CFAP299: variants seen among roughly 807,000 people sequenced by gnomAD.
The protein encoded by CFAP299 is cilia and flagella associated protein 299, also known as cilia- and flagella-associated protein 299.
Under a neutral mutation model 27.0 loss-of-function variants are expected in CFAP299, and 21 were observed. The ratio of observed to expected loss-of-function variants is 0.78; its 90% CI spans 0.55 to 1.12. The LOEUF (loss-of-function observed/expected upper bound fraction) is 1.12. CFAP299 is among the 50% of genes most tolerant of loss of function. CFAP299 has a pLI of 0.00. For missense variants in CFAP299, 310 were observed against 276.6 expected, an observed-to-expected ratio of 1.12 and a Z score of -0.86; for synonymous variants, 104 against 98.1, an observed-to-expected ratio of 1.06 and a Z score of -0.36.
intron 3 of CFAP299, among the ~76,000 whole-genome samples, chr4:80,814,338 T>A (rs566850749): frequency 1.3e-5 from 2 of 152,222 alleles, no homozygotes; most frequent in East Asian, 3.9e-4. Flanking sequence ...TCTGAAAATG[T>A]ACTTGATGCT....
At chr4:80,786,814 G>A (rs537033661) in intron 3 of CFAP299, among the ~76,000 whole-genome samples, 2 of 152,194 alleles carry the variant, frequency 1.3e-5, no homozygotes, top group Admixed American at 1.3e-4. Context: ...ACCTACCAAT[G>A]CTTGAAGGGT....
At chr4:80,478,982 A>G (rs572024564) in intron 2 of CFAP299, among the ~76,000 whole-genome samples, 27 of 152,166 alleles carry the variant, frequency 1.8e-4, no homozygotes, top group Admixed American at 1.7e-3. Flanking sequence ...GTTGAGTATC[A>G]CAATTCAAGA....
In CFAP299 at chr4:80,617,962, A is replaced by G. The variant is rs112146839; in HGVS notation, c.333+34779A>G. 1.0e-3 allele frequency among the ~76,000 whole-genome samples: 155 copies of G among 152,300 alleles called. No homozygotes were observed. The South Asian group carries it at 0.014, about 14-fold the overall frequency. The stretch of plus-strand genomic sequence containing the variant: ...AGGGTCATGTTTTCTTACTTTCAGA[A>G]TGGAATATATAGTCATTAACTTAAA... On this transcript the variant is annotated intron_variant, in intron 3 of 5. Coordinates refer to ENST00000358105, the MANE Select transcript of CFAP299 (RefSeq NM_152770.3).
chr4:80,790,569 TAA>T (rs1727501168), intron 3 of CFAP299: 1 of 151,432 alleles, frequency 6.6e-6, no homozygotes, highest in African/African-American at 2.4e-5. Flanking sequence ...GAGAGCTAGC[TAA>T]CTCTCTCTCT....
chr4:80,499,496 T>G (rs1035460965), intron 2 of CFAP299, among the ~76,000 whole-genome samples: 1 of 152,190 alleles, frequency 6.6e-6, no homozygotes, highest in African/African-American at 2.4e-5. Context: ...TCAACATTAC[T>G]GTACATATTA....
At chr4:80,935,643 G>A (rs1414859801) in intron 4 of CFAP299, among the ~76,000 whole-genome samples, 1 of 152,004 alleles carries the variant, frequency 6.6e-6, no homozygotes, top group Non-Finnish European at 1.5e-5. Context: ...TACCATTCTG[G>A]ATATAGAAAC....
intron 4 of CFAP299, among the ~76,000 whole-genome samples, chr4:80,927,285 A>C (rs1736354405): frequency 6.6e-6 from 1 of 152,092 alleles, no homozygotes; most frequent in Non-Finnish European, 1.5e-5. Flanking sequence ...CCTTAAGTAC[A>C]AAATGAGGTC....
chr4:80,931,145 A>AAGTGAGTGAGTG lies in CFAP299; in HGVS notation c.477-13631_477-13620dup, dbSNP rs3038546. On this transcript the variant is annotated intron_variant, in intron 4 of 5. Coordinates refer to ENST00000358105, the MANE Select transcript of CFAP299 (RefSeq NM_152770.3). ...TTTAAATGAGAAAAGACATAATAAT[A>AAGTGAGTGAGTG]AGTGAGTGAGTGAGTGAGTGAGTGA... Among the ~76,000 whole-genome samples, 327 of 135,162 alleles carry AAGTGAGTGAGTG rather than the reference A, an allele frequency of 2.4e-3. 3 individuals are homozygous for AAGTGAGTGAGTG. The highest frequency in any genetic ancestry group is 0.015 in the East Asian group (66 of 4,474). 88.7% of individuals were successfully genotyped at this position (135,162 alleles called of 152,430 possible). A position where few individuals can be genotyped will look rare whatever the true frequency, so the allele number is the denominator to read the frequency against.
At chr4:80,638,316 A>G (rs957355851) in intron 3 of CFAP299, among the ~76,000 whole-genome samples, 1 of 152,168 alleles carries the variant, frequency 6.6e-6, no homozygotes, top group Non-Finnish European at 1.5e-5. Flanking sequence ...ATTTGAGAAC[A>G]TTTTCTTCAA....
the CFAP299 span, among the ~76,000 whole-genome samples, chr4:80,327,690 T>TTTTATATATATATATATATATA: frequency 2.9e-4 from 15 of 51,238 alleles, no homozygotes; most frequent in Middle Eastern, 0.014. Context: ...TAGAGAGAAG[T>TTTTATATATATATATATATATA]TATATATATA....
At chr4:80,961,673 T>C (rs1334560825) in intron 5 of CFAP299, among the ~76,000 whole-genome samples, 1 of 151,928 alleles carries the variant, frequency 6.6e-6, no homozygotes, top group African/African-American at 2.4e-5. Context: ...AGACTGCTTA[T>C]AACTTCAGAT....
At chr4:80,864,669 C>A (rs1318460637) in intron 3 of CFAP299, among the ~76,000 whole-genome samples, 1 of 151,470 alleles carries the variant, frequency 6.6e-6, no homozygotes, top group Non-Finnish European at 1.5e-5. Flanking sequence ...CCTAACATAA[C>A]TATATACACC....
At chr4:80,698,861 G>A (rs1226762423) in intron 3 of CFAP299, among the ~76,000 whole-genome samples, 1 of 152,054 alleles carries the variant, frequency 6.6e-6, no homozygotes, top group Non-Finnish European at 1.5e-5. Flanking sequence ...GAACAGCATG[G>A]GGAAAACCAC....
intron 3 of CFAP299, among the ~76,000 whole-genome samples, chr4:80,652,705 C>A (rs1160894793): frequency 6.6e-6 from 1 of 152,004 alleles, no homozygotes; most frequent in Non-Finnish European, 1.5e-5. Context: ...ACTGTGTTGA[C>A]CAACTACACT....
intron 2 of CFAP299, among the ~76,000 whole-genome samples, chr4:80,507,355 G>A (rs1215069908): frequency 2.6e-5 from 4 of 152,086 alleles, no homozygotes; most frequent in Admixed American, 6.6e-5. Flanking sequence ...TCTGTTCCTA[G>A]GGTAGGTCCT....
intron 3 of CFAP299, among the ~76,000 whole-genome samples, chr4:80,704,837 T>C (rs1168407823): frequency 6.6e-6 from 1 of 151,866 alleles, no homozygotes; most frequent in Non-Finnish European, 1.5e-5. Context: ...TAAATGTTGA[T>C]ATATATGATT....
intron 3 of CFAP299, among the ~76,000 whole-genome samples, chr4:80,716,201 G>A (rs1030318708): frequency 6.6e-6 from 1 of 151,852 alleles, no homozygotes; most frequent in Non-Finnish European, 1.5e-5. Flanking sequence ...ATTTTGAAGT[G>A]TTATATTATT....
intron 2 of CFAP299, among the ~76,000 whole-genome samples, chr4:80,472,593 A>G (rs966767320): frequency 6.6e-6 from 1 of 152,184 alleles, no homozygotes; most frequent in Admixed American, 6.5e-5. Flanking sequence ...ACCCAGAGCC[A>G]GTGAATGAGA....
At chr4:80,511,736 C>A (rs1258015246) in intron 2 of CFAP299, among the ~76,000 whole-genome samples, 13 of 152,064 alleles carry the variant, frequency 8.5e-5, no homozygotes, top group Non-Finnish European at 5.9e-5. Flanking sequence ...GACCCCAGGG[C>A]CATCATATGA....
Sources: allele counts gnomAD v4.1 joint callset (sites outside exome capture counted in the v4.1 genomes callset), GRCh38; gene constraint gnomAD v4.1.1; transcripts MANE v1.5; gene names NCBI Gene and HGNC (gene_info 2026-07-23, HGNC 2026-07-21).